The following DLGAP2 variants were observed in gnomAD, a reference collection of about 807,000 sequenced individuals.
DLGAP2 encodes the protein DLG associated protein 2.
DLGAP2 carries 26 observed loss-of-function variants against 100.3 expected under a neutral mutation model. The ratio of observed to expected loss-of-function variants is 0.26; its 90% confidence interval spans 0.19 to 0.36. The LOEUF (loss-of-function observed/expected upper bound fraction) is 0.36, where lower values mean the gene tolerates loss of function less well. DLGAP2 is among the 10% of genes least tolerant of loss of function. The pLI is 1.00. For missense variants in DLGAP2, 1,858 were observed against 1,453.2 expected (o/e 1.28, Z -4.53); for synonymous variants, 886 against 630.1 (o/e 1.41, Z -6.08).
chr8:787,062 A>T (rs1821885523), intron 1 of DLGAP2, among the ~76,000 whole-genome samples: 1 of 152,160 alleles, frequency 6.6e-6, no homozygotes. Context: ...TTATTAAAGA[A>T]GCCACAGAAC....
At position 1,549,135 on chromosome 8, in the gene DLGAP2, C is replaced by T. The variant is rs1428611888; in HGVS notation, c.682C>T (p.Arg228Trp). Residue 228 changes from arginine to tryptophan, a missense_variant, in exon 5 of 15, where the codon CGG becomes TGG. Physicochemically the swap from Arg to Trp is moderately radical, Grantham distance 101. Transcript: ENST00000637795. ...AAEQRSESPG[R>W]IRHLVHSVQK... The stretch of plus-strand genomic sequence containing the variant: ...CGAGCAGCGCAGCGAGAGCCCCGGG[C>T]GGATCCGCCACCTGGTACACTCCGT... The T allele has an allele frequency of 6.3e-7, 1 of 1,590,696 alleles. No individual in the cohort carries two copies. Among genetic ancestry groups the T allele is most frequent in the Non-Finnish European group, 8.5e-7 (1 of 1,170,578 alleles).
chr8:1,011,658 C>T (rs1801290573), intron 2 of DLGAP2, among the ~76,000 whole-genome samples: 2 of 131,046 alleles, frequency 1.5e-5, no homozygotes, highest in Non-Finnish European at 1.7e-5. Context: ...GCACAGTGAG[C>T]CCTGGAATGA....
At chr8:1,361,627 C>T (rs571301283) in intron 3 of DLGAP2, among the ~76,000 whole-genome samples, 1 of 152,210 alleles carries the variant, frequency 6.6e-6, no homozygotes, top group African/African-American at 2.4e-5. Context: ...ATCGTTTAAA[C>T]GGAGCATGGG....
rs919429489 is a variant in DLGAP2 at position 1,707,557 on chromosome 8, G to C, written c.*6151G>C. ...CAAGGCTTCCCCTTACGAGCAGTGA[G>C]ACCTAGGCTACTTTCGAACGCTTCC... On this transcript the variant is annotated 3_prime_UTR_variant, in exon 15 of 15. Transcript: ENST00000637795. The C allele has an allele frequency of 2.6e-5, 4 of 152,108 alleles. No individual in the cohort carries two copies. Among genetic ancestry groups the C allele is most frequent in the Non-Finnish European group, 4.4e-5 (3 of 68,036 alleles). 9.4% of individuals were successfully genotyped at this position (152,108 alleles called of 1,614,324 possible).
At chr8:1,572,305 A>G (rs1482849743) in intron 6 of DLGAP2, among the ~76,000 whole-genome samples, 24 of 85,276 alleles carry the variant, frequency 2.8e-4, no homozygotes, top group East Asian at 8.4e-4. Context: ...GCATCTGATG[A>G]GATGGAGAGG....
chr8:1,304,483 A>G (rs1800443170), intron 3 of DLGAP2, among the ~76,000 whole-genome samples: 1 of 152,244 alleles, frequency 6.6e-6, no homozygotes, highest in African/African-American at 2.4e-5. Flanking sequence ...CTTTCAGCAA[A>G]AGCAGGAGAT....
chr8:1,009,799 G>C (rs1292771164), intron 2 of DLGAP2, among the ~76,000 whole-genome samples: 1 of 152,234 alleles, frequency 6.6e-6, no homozygotes, highest in East Asian at 1.9e-4. Flanking sequence ...GCGCTTTGCA[G>C]AGGAAGGAGG....
rs556125221 is a variant in DLGAP2 at position 973,343 on chromosome 8, C to T, written c.73+65377C>T. Among the ~76,000 whole-genome samples the T allele has an allele frequency of 1.1e-3, 171 of 151,786 alleles. 1 individual carries two copies. The highest frequency in any genetic ancestry group is 3.4e-3 in the African/African-American group (142 of 41,358). On this transcript the variant is annotated intron_variant, in intron 2 of 14. Transcript: ENST00000637795. ...GGGCGGCTGCCGGGCGGAGACGCTC[C>T]TCACTTCCCAGACGGGGTGGCTGCC... is the stretch of plus-strand genomic sequence containing the variant.
chr8:1,054,116 C>T (rs538727412), intron 2 of DLGAP2, among the ~76,000 whole-genome samples: 14 of 152,206 alleles, frequency 9.2e-5, no homozygotes, highest in South Asian at 2.1e-4. Flanking sequence ...CGGCACCCGG[C>T]GTTTCTGGGA....
intron 2 of DLGAP2, among the ~76,000 whole-genome samples, chr8:912,120 G>C (rs1357473248): frequency 6.6e-6 from 1 of 152,172 alleles, no homozygotes; most frequent in Non-Finnish European, 1.5e-5. Context: ...CGAATAATTA[G>C]AAGTTTCAAG....
chr8:1,361,504 C>T lies in DLGAP2; in HGVS notation c.106+102621C>T, dbSNP rs191948749. Reference sequence around the variant, plus strand: ...GGTAACACACGGCTCTGTAGGTAGCCGTCTGGTGCTGAGAATTGCATAAAC... The same window carrying T: ...GGTAACACACGGCTCTGTAGGTAGCTGTCTGGTGCTGAGAATTGCATAAAC... On this transcript the variant is annotated intron_variant, in intron 3 of 14. Transcript: ENST00000637795. Among the ~76,000 whole-genome samples the T allele has an allele frequency of 1.2e-4, 19 of 152,300 alleles. No individual in the cohort carries two copies. In the East Asian group the frequency reaches 2.5e-3, roughly 20 times the overall value.
intron 2 of DLGAP2, among the ~76,000 whole-genome samples, chr8:1,160,018 C>T (rs963330514): frequency 2.6e-5 from 4 of 152,192 alleles, no homozygotes; most frequent in African/African-American, 9.7e-5. Context: ...GCACCACCTG[C>T]ACGCTGTTTG....
intron 2 of DLGAP2, among the ~76,000 whole-genome samples, chr8:1,102,752 G>C (rs1020310742): frequency 6.6e-5 from 10 of 152,308 alleles, no homozygotes; most frequent in African/African-American, 2.2e-4. Context: ...TGTCCTCACA[G>C]TTGAGAGGTG....
chr8:1,434,795 C>G (rs184851650), intron 3 of DLGAP2, among the ~76,000 whole-genome samples: 1 of 152,280 alleles, frequency 6.6e-6, no homozygotes, highest in East Asian at 1.9e-4. Context: ...TTTTGAGAAA[C>G]AGAAAATGCT....
rs555870060 is a variant in DLGAP2 at position 1,066,470 on chromosome 8, A to G, written c.73+158504A>G. ...ACCTTGGGCAGGTCTGGGTGAGGAC[A>G]TGAGGACAGAGCCCCACCACGGTCA... On this transcript the variant is annotated intron_variant, in intron 2 of 14. Coordinates refer to ENST00000637795, the MANE Select transcript of DLGAP2 (RefSeq NM_001346810.2). Among the ~76,000 whole-genome samples the G allele has an allele frequency of 4.7e-5, 6 of 127,162 alleles. No homozygotes were observed. In the South Asian group the frequency reaches 1.5e-3, roughly 31 times the overall value. The allele number at this position is 127,162 out of a possible 152,430, so 83.4% of individuals were successfully genotyped here.
chr8:1,282,796 C>T (rs1799842807), intron 3 of DLGAP2, among the ~76,000 whole-genome samples: 2 of 92,160 alleles, frequency 2.2e-5, no homozygotes, highest in Non-Finnish European at 4.2e-5. Flanking sequence ...GACCTGAGCC[C>T]AGCACGTGAA....
chr8:1,353,045 GA>G (rs1205433717), intron 3 of DLGAP2, among the ~76,000 whole-genome samples: 1 of 152,216 alleles, frequency 6.6e-6, no homozygotes, highest in African/African-American at 2.4e-5. Context: ...GCAATGTCCT[GA>G]ACTGGCATGA....
intron 12 of DLGAP2, among the ~76,000 whole-genome samples, chr8:1,689,865 G>A (rs148771767): frequency 2.6e-5 from 4 of 152,320 alleles, no homozygotes; most frequent in Non-Finnish European, 4.4e-5. Flanking sequence ...AGCCACATAC[G>A]TGTACTGGGC....
chr8:1,083,162 T>C (rs1323046798), intron 2 of DLGAP2, among the ~76,000 whole-genome samples: 1 of 152,144 alleles, frequency 6.6e-6, no homozygotes, highest in Non-Finnish European at 1.5e-5. Context: ...GAGAGGAATA[T>C]CGTAAATTTT....
Sources: allele counts gnomAD v4.1 joint callset (sites outside exome capture counted in the v4.1 genomes callset), GRCh38; gene constraint gnomAD v4.1.1; transcripts MANE v1.5; gene names NCBI Gene and HGNC (gene_info 2026-07-23, HGNC 2026-07-21).